ABCG2: variants seen among roughly 807,000 people sequenced by gnomAD.
ABCG2 encodes the protein broad substrate specificity ATP-binding cassette transporter ABCG2.
In ABCG2, 80 loss-of-function variants were observed where a neutral mutation model predicts 73.5. The observed-to-expected ratio is 1.09, with a 90% CI of 0.91 to 1.31. The LOEUF is 1.31. Ranked by LOEUF, ABCG2 falls within the 50% of genes most tolerant of loss-of-function variation. The probability of loss-of-function intolerance (pLI) is 0.00; values close to 1 mark genes in which losing one functional copy is unlikely to be tolerated. For synonymous variants in ABCG2, 269 were observed against 282.4 expected (o/e 0.95, Z 0.48); for missense variants, 796 against 786.2 (o/e 1.01, Z -0.15).
At chr4:88,209,529 G>A (rs1729509324) in intron 1 of ABCG2, among the ~76,000 whole-genome samples, 1 of 151,512 alleles carries the variant, frequency 6.6e-6, no homozygotes, top group African/African-American at 2.4e-5. Context: ...CAGGCGTGGT[G>A]GTGAGCGCCT....
intron 1 of ABCG2, among the ~76,000 whole-genome samples, chr4:88,211,361 C>A (rs1729585727): frequency 1.8e-5 from 1 of 55,172 alleles, no homozygotes; most frequent in African/African-American, 5.6e-5. Flanking sequence ...AACCCCTGCC[C>A]CACCCCCCCC....
chr4:88,156,629 T>C (rs902620827), intron 1 of ABCG2, among the ~76,000 whole-genome samples: 8 of 151,854 alleles, frequency 5.3e-5, no homozygotes, highest in African/African-American at 1.9e-4. Flanking sequence ...TTAAAAAATG[T>C]AGAAGGAAGA....
intron 1 of ABCG2, among the ~76,000 whole-genome samples, chr4:88,146,906 GGAAGGAAGGAAGGAAGGAA>G: frequency 7.3e-6 from 1 of 136,674 alleles, no homozygotes; most frequent in East Asian, 2.3e-4. Flanking sequence ...AAAGAAGGAA[GGAAGGAAGGAAGGAAGGAA>G]GAAGGAAGGA....
chr4:88,119,813 T>C (rs916390382), intron 6 of ABCG2, among the ~76,000 whole-genome samples: 2 of 152,122 alleles, frequency 1.3e-5, no homozygotes, highest in African/African-American at 4.8e-5. Context: ...AACTTATGTT[T>C]AAAAGGGAAG....
Position 88,127,946 on chromosome 4 carries a change from A to C in ABCG2, c.531+3115T>G, listed in dbSNP as rs1427438044. On this transcript the variant is annotated intron_variant, in intron 5 of 15. Transcript: ENST00000237612. The stretch of plus-strand genomic sequence containing the variant: ...TTACACTAAAGAGCTTCTGCACAGC[A>C]AAAAAAAAGAAAGAAAAAAAAAAAC... 5.5e-5 allele frequency among the ~76,000 whole-genome samples: 7 copies of C among 127,104 alleles called. No homozygotes were observed. In the Admixed American group the frequency reaches 6.5e-4, roughly 12 times the overall value. 83.4% of individuals were successfully genotyped at this position (127,104 alleles called of 152,430 possible).
chr4:88,199,964 G>T (rs1460476823), intron 1 of ABCG2, among the ~76,000 whole-genome samples: 7 of 152,140 alleles, frequency 4.6e-5, no homozygotes, highest in Admixed American at 4.6e-4. Context: ...TCGCGCCACT[G>T]CACTCCAGCC....
intron 1 of ABCG2, among the ~76,000 whole-genome samples, chr4:88,201,225 A>AAAAG: frequency 6.6e-6 from 1 of 151,410 alleles, no homozygotes; most frequent in African/African-American, 2.4e-5. Context: ...AAAAAAAAAA[A>AAAAG]AGAGAGAGGA....
chr4:88,129,388 G>A (rs1226624794), intron 5 of ABCG2, among the ~76,000 whole-genome samples: 1 of 152,072 alleles, frequency 6.6e-6, no homozygotes, highest in Admixed American at 6.6e-5. Context: ...TATTTTAAAT[G>A]TATTGCTTCA....
At chr4:88,097,659 G>C in intron 12 of ABCG2, 52 bp from the exon 13 acceptor site, 5 of 1,564,478 alleles carry the variant, frequency 3.2e-6, no homozygotes, top group Non-Finnish European at 4.3e-6. Context: ...GTCACCGTAT[G>C]TTTGGGATTG....
intron 12 of ABCG2, among the ~76,000 whole-genome samples, chr4:88,098,346 G>A (rs1442759925): frequency 1.3e-5 from 2 of 151,970 alleles, no homozygotes; most frequent in Admixed American, 6.6e-5. Context: ...GTGTGCATGT[G>A]TTTATCAGTG....
At chr4:88,142,058 T>C (rs1725684922) in intron 1 of ABCG2, among the ~76,000 whole-genome samples, 1 of 150,640 alleles carries the variant, frequency 6.6e-6, no homozygotes, top group Non-Finnish European at 1.5e-5. Flanking sequence ...ATGAAAATTA[T>C]GAATGATGAA....
intron 1 of ABCG2, among the ~76,000 whole-genome samples, chr4:88,209,480 A>G (rs1225567459): frequency 1.3e-5 from 2 of 152,030 alleles, no homozygotes; most frequent in Non-Finnish European, 2.9e-5. Flanking sequence ...CCTGGCCAAC[A>G]TGGTGAAATC....
Position 88,202,354 on chromosome 4 carries a change from T to TTATATATATATATATATATATATATA in ABCG2, c.-20+28639_-20+28640insTATATATATATATATATATATATATA, listed in dbSNP as rs57530549. Among the ~76,000 whole-genome samples the TTATATATATATATATATATATATATA allele has an allele frequency of 4.0e-4, 25 of 62,058 alleles. 1 individual carries two copies. The highest frequency in any genetic ancestry group is 7.4e-4 in the Non-Finnish European group (23 of 30,998). The allele number at this position is 62,058 out of a possible 152,430, so 40.7% of individuals were successfully genotyped here. On this transcript the variant is annotated intron_variant, in intron 1 of 15. Coordinates refer to the ABCG2 transcript ENST00000515655. ...AGGAGGACCCCATCTCTACAATTAT[T>TTATATATATATATATATATATATATA]TATATATATATATATATATATATGT...
At chr4:88,218,674 T>A (rs4264794) in intron 1 of ABCG2, among the ~76,000 whole-genome samples, 59,234 of 151,922 alleles carry the variant, frequency 0.39, 12,269 homozygotes, top group East Asian at 0.59. Flanking sequence ...TACTTATGAG[T>A]GAGAACGTAC....
chr4:88,117,387 C>T (rs11097181), intron 7 of ABCG2, among the ~76,000 whole-genome samples: 19,335 of 151,360 alleles, frequency 0.13, 1,463 homozygotes, highest in Middle Eastern at 0.23. Flanking sequence ...AATCCCAGCA[C>T]GTTGGGAGGC....
intron 1 of ABCG2, among the ~76,000 whole-genome samples, chr4:88,227,359 G>T (rs1423605044): frequency 6.6e-6 from 1 of 152,150 alleles, no homozygotes; most frequent in Non-Finnish European, 1.5e-5. Context: ...TCGCGCCATT[G>T]TACTCCAGCT....
chr4:88,185,944 T>C (rs933054070), intron 1 of ABCG2, among the ~76,000 whole-genome samples: 1 of 152,178 alleles, frequency 6.6e-6, no homozygotes, highest in Admixed American at 6.5e-5. Context: ...GAGAATAGTT[T>C]GGAGGTTTCT....
chr4:88,163,362 C>G (rs1278284992), upstream of ABCG2, among the ~76,000 whole-genome samples: 1 of 152,136 alleles, frequency 6.6e-6, no homozygotes, highest in Non-Finnish European at 1.5e-5. Flanking sequence ...TAGAGGCTAT[C>G]TTAGGGTTCA....
intron 1 of ABCG2, among the ~76,000 whole-genome samples, chr4:88,213,566 C>T (rs1444890592): frequency 2.0e-5 from 3 of 152,086 alleles, no homozygotes; most frequent in Non-Finnish European, 2.9e-5. Flanking sequence ...AACTCAATAA[C>T]AGCACTTTTC....
Sources: allele counts gnomAD v4.1 joint callset (sites outside exome capture counted in the v4.1 genomes callset), GRCh38; gene constraint gnomAD v4.1.1; transcripts MANE v1.5; gene names NCBI Gene and HGNC (gene_info 2026-07-23, HGNC 2026-07-21).